Variants in HMBOX1 observed in about 807,000 individuals in gnomAD.
HMBOX1 encodes the protein homeobox-containing protein 1.
Under a neutral mutation model 54.5 loss-of-function variants are expected in HMBOX1, and 14 were observed. The observed-to-expected ratio is 0.26, with a 90% CI of 0.17 to 0.40. The LOEUF is 0.40. HMBOX1 is among the 10% of genes least tolerant of loss of function. The probability of loss-of-function intolerance (pLI) is 1.00; values close to 1 mark genes in which losing one functional copy is unlikely to be tolerated. For synonymous variants in HMBOX1, 160 were observed against 181.0 expected, an observed-to-expected ratio of 0.88 and a Z score of 0.93; for missense variants, 332 against 514.4, an observed-to-expected ratio of 0.65 and a Z score of 3.43.
rs559365846 is a variant in HMBOX1, at chr8:28,911,495, A to G, written c.-58+20817A>G. On this transcript the variant is annotated intron_variant, in intron 1 of 9. Coordinates refer to ENST00000287701, the MANE Select transcript of HMBOX1 (RefSeq NM_001135726.3). Reference sequence around the variant, plus strand: ...CTCAGCCTGGCGAGTAGCTAGGATTACAAGTGCCTGCCACCATGCCCTGCT... The same window carrying G: ...CTCAGCCTGGCGAGTAGCTAGGATTGCAAGTGCCTGCCACCATGCCCTGCT... Among the ~76,000 whole-genome samples, 21 of 152,158 alleles carry G rather than the reference A, an allele frequency of 1.4e-4. No homozygotes were observed. In the South Asian group the frequency reaches 2.1e-3, roughly 15 times the overall value.
chr8:29,000,219 C>T (rs1052438843), intron 4 of HMBOX1, among the ~76,000 whole-genome samples: 2 of 152,156 alleles, frequency 1.3e-5, no homozygotes, highest in Non-Finnish European at 2.9e-5. Flanking sequence ...TGTCAAGGGG[C>T]TCTCTCTGTG....
At chr8:29,050,284 A>G (rs962088936) in intron 9 of HMBOX1, 1 of 906,058 alleles carries the variant, frequency 1.1e-6, no homozygotes, top group Non-Finnish European at 1.3e-6. Context: ...TTGTAACACC[A>G]TCTTCAGTGC....
chr8:29,016,844 A>C (rs970753308), intron 5 of HMBOX1, among the ~76,000 whole-genome samples: 5 of 152,260 alleles, frequency 3.3e-5, no homozygotes, highest in African/African-American at 1.2e-4. Context: ...GACAGATGTC[A>C]TAGTGTCTTC....
intron 1 of HMBOX1, among the ~76,000 whole-genome samples, chr8:28,928,736 T>C (rs529892029): frequency 1.3e-5 from 2 of 152,350 alleles, no homozygotes; most frequent in Admixed American, 1.3e-4. Context: ...AACTTTCTAT[T>C]TGTGGCAACA....
intron 1 of HMBOX1, among the ~76,000 whole-genome samples, chr8:28,924,983 G>A (rs1195069343): frequency 6.7e-6 from 1 of 150,020 alleles, no homozygotes; most frequent in Non-Finnish European, 1.5e-5. Context: ...ACATATAAGA[G>A]CAGAACCTGT....
In HMBOX1 at chr8:29,049,213, T is replaced by C. The variant is rs191093384; in HGVS notation, c.1125+165T>C. 6.0e-6 allele frequency: 9 copies of C among 1,502,188 alleles called. No individual in the cohort carries two copies. In the East Asian group the frequency reaches 1.7e-4, roughly 29 times the overall value. 93.1% of individuals were successfully genotyped at this position (1,502,188 alleles called of 1,614,324 possible). ...TAGATTTCATGTAATTTGAAAGGAA[T>C]GTGGTAAGATTCAGTTGTCCTGTTG... On this transcript the variant is annotated intron_variant, in intron 9 of 9. Coordinates refer to ENST00000287701, the MANE Select transcript of HMBOX1 (RefSeq NM_001135726.3).
chr8:28,984,704 G>A lies in HMBOX1; in HGVS notation c.586+4548G>A, dbSNP rs543369705. On this transcript the variant is annotated intron_variant, in intron 4 of 9. Coordinates refer to ENST00000287701, the MANE Select transcript of HMBOX1 (RefSeq NM_001135726.3). ...GTTGGTAAGCATAGTCTTTGCTTTA[G>A]TAATAAGCACATGTATTCTGTATTC... Among the ~76,000 whole-genome samples, 6 of 152,294 alleles carry A rather than the reference G, an allele frequency of 3.9e-5. No homozygotes were observed. The East Asian group carries it at 9.6e-4, about 24-fold the overall frequency.
In HMBOX1 at chr8:29,051,118, C is replaced by T. The variant is rs1806382379; in HGVS notation, c.1226C>T (p.Ala409Val). Residue 409 changes from alanine (A) to valine (V), a missense_variant, in exon 10 of 10, where the codon GCC (alanine) becomes GTC (valine). Ala to Val is a moderately conservative substitution (Grantham distance 64). Transcript: ENST00000287701. ...HTILALARQG[A>V]NEIKTEALDD... ...ATCTTGGCATTGGCCCGACAAGGAG[C>T]CAACGAAATCAAGACAGAGGCCCTG... 6.2e-7 allele frequency: 1 copy of T among 1,613,688 alleles called. No homozygotes were observed. The highest frequency in any genetic ancestry group is 2.2e-5 in the East Asian group (1 of 44,858).
chr8:28,930,378 C>T (rs1267443828), intron 1 of HMBOX1, among the ~76,000 whole-genome samples: 1 of 152,168 alleles, frequency 6.6e-6, no homozygotes, highest in East Asian at 1.9e-4. Flanking sequence ...ACTGTCATAA[C>T]TAGTCTCCCT....
intron 1 of HMBOX1, among the ~76,000 whole-genome samples, chr8:28,917,038 G>A (rs1163481858): frequency 6.9e-6 from 1 of 145,818 alleles, no homozygotes; most frequent in Non-Finnish European, 1.5e-5. Flanking sequence ...CTGCACTCCA[G>A]CCTGGGTGAC....
intron 1 of HMBOX1, among the ~76,000 whole-genome samples, chr8:28,905,288 A>G (rs1814074942): frequency 2.6e-5 from 4 of 152,232 alleles, no homozygotes; most frequent in African/African-American, 9.6e-5. Flanking sequence ...GAAAACTTCT[A>G]CTTAAATAAG....
intron 6 of HMBOX1, among the ~76,000 whole-genome samples, chr8:29,040,310 A>T (rs10107547): frequency 0.025 from 3,830 of 152,302 alleles, 156 homozygotes; most frequent in African/African-American, 0.088. Context: ...TAGTCATGTA[A>T]TACATAGTTG....
At chr8:28,913,473 A>G (rs939939749) in intron 1 of HMBOX1, among the ~76,000 whole-genome samples, 9 of 152,108 alleles carry the variant, frequency 5.9e-5, no homozygotes, top group African/African-American at 1.2e-4. Context: ...TCAACCCGGC[A>G]ATGTCCATTA....
At chr8:28,909,696 A>T (rs1448513869) in intron 1 of HMBOX1, among the ~76,000 whole-genome samples, 2 of 152,218 alleles carry the variant, frequency 1.3e-5, no homozygotes, top group African/African-American at 4.8e-5. Context: ...GACCAAAAAA[A>T]AATGAGACTT....
chr8:28,912,291 GC>G (rs1349352029), intron 1 of HMBOX1, among the ~76,000 whole-genome samples: 1 of 152,102 alleles, frequency 6.6e-6, no homozygotes, highest in Non-Finnish European at 1.5e-5. Context: ...TGAATATCTG[GC>G]ATTTTCAAGC....
chr8:29,012,120 C>T (rs7842492), intron 5 of HMBOX1, among the ~76,000 whole-genome samples: 97,282 of 152,018 alleles, frequency 0.64, 31,325 homozygotes, highest in East Asian at 0.75. Flanking sequence ...GTATTAGCAA[C>T]TGAAATTTGT....
intron 1 of HMBOX1, among the ~76,000 whole-genome samples, chr8:28,893,348 T>A (rs1484855106): frequency 6.6e-6 from 1 of 152,200 alleles, no homozygotes; most frequent in Non-Finnish European, 1.5e-5. Context: ...CTTGTCCAGC[T>A]TACAATTTCA....
chr8:29,032,775 A>G (rs1317033730), intron 6 of HMBOX1, among the ~76,000 whole-genome samples: 4 of 152,118 alleles, frequency 2.6e-5, no homozygotes, highest in African/African-American at 9.7e-5. Context: ...TTGAATATTT[A>G]AGAAGATCCT....
intron 6 of HMBOX1, among the ~76,000 whole-genome samples, chr8:29,035,631 T>C (rs1803733952): frequency 6.6e-6 from 1 of 152,262 alleles, no homozygotes; most frequent in African/African-American, 2.4e-5. Flanking sequence ...CGGTTTCCGC[T>C]GGTATGACCT....
Sources: allele counts gnomAD v4.1 joint callset (sites outside exome capture counted in the v4.1 genomes callset), GRCh38; gene constraint gnomAD v4.1.1; transcripts MANE v1.5; gene names NCBI Gene and HGNC (gene_info 2026-07-23, HGNC 2026-07-21).